The following CNKSR2 variants were observed in gnomAD, a reference collection of about 807,000 sequenced individuals.
CNKSR2 encodes CNK homolog protein 2.
A neutral mutation model predicts 84.4 loss-of-function variants in CNKSR2; 14 were observed. The observed-to-expected ratio is 0.17, with a 90% CI of 0.11 to 0.26. The LOEUF (loss-of-function observed/expected upper bound fraction) is 0.26. Ranked by LOEUF, CNKSR2 falls within the 10% of genes least tolerant of loss-of-function variation. The pLI is 1.00. For synonymous variants in CNKSR2, 275 were observed against 277.9 expected, an observed-to-expected ratio of 0.99 and a Z score of 0.10; for missense variants, 485 against 771.2, an observed-to-expected ratio of 0.63 and a Z score of 4.40.
Position 21,374,624 on chromosome X carries a change from A to AGCAGCAGCAGCAGCAGCCGCAGCAGCC in CNKSR2, c.-266_-265insAGCAGCAGCCGCAGCAGCCGCAGCAGC. The AGCAGCAGCAGCAGCAGCCGCAGCAGCC allele has an allele frequency of 2.0e-6, 1 of 510,139 alleles. No homozygotes were observed. The highest frequency in any genetic ancestry group is 2.3e-5 in the African/African-American group (1 of 42,673). The allele number at this position is 510,139 out of a possible 1,213,427, so 42.0% of individuals were successfully genotyped here. ...CAGCAGCAGCAGCAGCAGCAGCAGC[A>AGCAGCAGCAGCAGCAGCCGCAGCAGCC]GCAGCAGCCGCCGCCGCCGCCGCCT... On this transcript the variant is annotated 5_prime_UTR_variant, in exon 1 of 22. Coordinates refer to ENST00000379510, the MANE Select transcript of CNKSR2 (RefSeq NM_014927.5).
intron 13 of CNKSR2, among the ~76,000 whole-genome samples, chrX:21,577,524 T>A (rs957161165): frequency 9.0e-6 from 1 of 111,327 alleles, no homozygotes; most frequent in Non-Finnish European, 1.9e-5. Flanking sequence ...GTTGCTTTGA[T>A]CAGAGAGCGT....
intron 1 of CNKSR2, among the ~76,000 whole-genome samples, chrX:21,378,082 T>C (rs925536422): frequency 3.6e-5 from 4 of 111,723 alleles, no homozygotes; most frequent in African/African-American, 1.3e-4. Flanking sequence ...ACAGTAAAAA[T>C]TGGATATGAC....
At chrX:21,629,216 A>G (rs1408225466) in intron 20 of CNKSR2, among the ~76,000 whole-genome samples, 1 of 111,978 alleles carries the variant, frequency 8.9e-6, no homozygotes, top group Non-Finnish European at 1.9e-5. Flanking sequence ...TGTCCATATC[A>G]TTATTAGCAT....
intron 1 of CNKSR2, among the ~76,000 whole-genome samples, chrX:21,400,663 G>A (rs1031854361): frequency 1.8e-5 from 2 of 110,632 alleles, no homozygotes; most frequent in African/African-American, 6.5e-5. Context: ...TCCTTTTCAA[G>A]ACCTAAGAAA....
chrX:21,537,785 TG>T (rs2091942337), intron 11 of CNKSR2: 2 of 108,551 alleles, frequency 1.8e-5, no homozygotes, highest in African/African-American at 6.7e-5. Flanking sequence ...AGTTGGGTCT[TG>T]TTTTTTTTTT....
chrX:21,638,212 C>G (rs2092680271), intron 20 of CNKSR2, among the ~76,000 whole-genome samples: 2 of 111,553 alleles, frequency 1.8e-5, no homozygotes, highest in Non-Finnish European at 3.8e-5. Flanking sequence ...ACCCTTATCC[C>G]CTCTATAATC....
chrX:21,595,239 T>A (rs2092445082), intron 16 of CNKSR2, 85 bp from the exon 17 acceptor site: 1 of 737,326 alleles, frequency 1.4e-6, no homozygotes, highest in African/African-American at 2.1e-5. Flanking sequence ...TCGGGTTAGA[T>A]GTTGAGGTAA....
intron 5 of CNKSR2, among the ~76,000 whole-genome samples, chrX:21,488,070 T>C (rs963468057): frequency 2.7e-5 from 3 of 112,089 alleles, no homozygotes. Context: ...CTTCATTGTA[T>C]CTAAGAGCAT....
chrX:21,527,484 G>T (rs1490883614), intron 10 of CNKSR2, among the ~76,000 whole-genome samples: 2 of 110,508 alleles, frequency 1.8e-5, no homozygotes, highest in African/African-American at 6.5e-5. Flanking sequence ...ATAATCCTGT[G>T]TCTGAAATTT....
intron 1 of CNKSR2, among the ~76,000 whole-genome samples, chrX:21,405,807 T>C (rs2090254750): frequency 9.0e-6 from 1 of 111,235 alleles, no homozygotes; most frequent in Non-Finnish European, 1.9e-5. Flanking sequence ...AATTGATATA[T>C]TAACTTTCAA....
intron 5 of CNKSR2, among the ~76,000 whole-genome samples, chrX:21,478,597 G>A (rs1201698263): frequency 9.0e-6 from 1 of 111,729 alleles, no homozygotes; most frequent in Non-Finnish European, 1.9e-5. Flanking sequence ...TACAATTCTT[G>A]TCCTCACAGT....
At chrX:21,504,897 A>G (rs1379968611) in intron 8 of CNKSR2, 1 of 289,773 alleles carries the variant, frequency 3.5e-6, no homozygotes. Context: ...ACTGAGTCTT[A>G]TTACATGTCT....
chrX:21,587,090 A>G, intron 13 of CNKSR2, among the ~76,000 whole-genome samples: 1 of 112,231 alleles, frequency 8.9e-6, no homozygotes. Flanking sequence ...AGGGATAAAG[A>G]GAAAAATATT....
At chrX:21,646,153 G>A (rs1374027749) in intron 20 of CNKSR2, among the ~76,000 whole-genome samples, 2 of 111,124 alleles carry the variant, frequency 1.8e-5, no homozygotes. Context: ...GGGGCAGGGG[G>A]TGGCTTATTA....
In CNKSR2 at chrX:21,549,866, A is replaced by G. The variant is rs946051822; in HGVS notation, c.1304-11605A>G. On this transcript the variant is annotated intron_variant, in intron 11 of 21. Transcript: ENST00000379510. ...GGTGCTGTGAAAACTGGCTAGCCATATGCAGAAAACTGAAACTGGACCCCT... is the reference window on the plus strand; with the variant it reads ...GGTGCTGTGAAAACTGGCTAGCCATGTGCAGAAAACTGAAACTGGACCCCT... Among the ~76,000 whole-genome samples the G allele has an allele frequency of 3.6e-5, 4 of 112,461 alleles. No individual in the cohort carries two copies. The East Asian group carries it at 8.3e-4, about 23-fold the overall frequency.
intron 20 of CNKSR2, 139 bp downstream of exon 20, chrX:21,609,756 T>A: frequency 1.1e-5 from 9 of 808,405 alleles, no homozygotes; most frequent in Non-Finnish European, 1.5e-5. Flanking sequence ...TAGGTCTCCC[T>A]TGGTGACCTA....
intron 2 of CNKSR2, chrX:21,429,241 C>T (rs994423280): frequency 8.9e-6 from 1 of 111,756 alleles, no homozygotes; most frequent in African/African-American, 3.2e-5. Flanking sequence ...TGGTAATGGC[C>T]AAGTATATGA....
intron 13 of CNKSR2, among the ~76,000 whole-genome samples, chrX:21,574,194 C>T (rs1272748499): frequency 8.9e-6 from 1 of 111,846 alleles, no homozygotes; most frequent in African/African-American, 3.3e-5. Flanking sequence ...TGGTCAAAGC[C>T]ATTCAACAAG....
chrX:21,583,153 C>G (rs1261318743), intron 13 of CNKSR2, among the ~76,000 whole-genome samples: 1 of 111,417 alleles, frequency 9.0e-6, no homozygotes, highest in Non-Finnish European at 1.9e-5. Context: ...ATCAGGTCGA[C>G]CTGACTGACA....
Sources: allele counts gnomAD v4.1 joint callset (sites outside exome capture counted in the v4.1 genomes callset), GRCh38; gene constraint gnomAD v4.1.1; transcripts MANE v1.5; gene names NCBI Gene and HGNC (gene_info 2026-07-23, HGNC 2026-07-21).